GCSAML: variants seen among roughly 807,000 people sequenced by gnomAD.
The protein encoded by GCSAML is germinal center associated signaling and motility like.
Under a neutral mutation model 13.0 loss-of-function variants are expected in GCSAML, and 9 were observed. That is an observed-to-expected ratio of 0.69 (90% CI 0.42 to 1.21). GCSAML has a LOEUF of 1.21. GCSAML is among the 50% of genes most tolerant of loss of function. GCSAML has a pLI of 0.00. For missense variants in GCSAML, 143 were observed against 153.4 expected (o/e 0.93, Z 0.36); for synonymous variants, 37 against 52.9 (o/e 0.70, Z 1.31).
intron 4 of GCSAML, 55 bp downstream of exon 4, chr1:247,566,014 T>C (rs1345362864): frequency 1.5e-6 from 2 of 1,311,890 alleles, no homozygotes; most frequent in African/African-American, 1.5e-5. Context: ...TTATTATGTT[T>C]GTCTGATAAA....
At chr1:247,517,480 T>C (rs1666251476) in intron 1 of GCSAML, among the ~76,000 whole-genome samples, 1 of 152,226 alleles carries the variant, frequency 6.6e-6, no homozygotes, top group Non-Finnish European at 1.5e-5. Context: ...TCCACAAATT[T>C]TAGGAGATTG....
chr1:247,541,354 T>C (rs978394481), intron 2 of GCSAML, among the ~76,000 whole-genome samples: 3 of 152,212 alleles, frequency 2.0e-5, no homozygotes, highest in Non-Finnish European at 4.4e-5. Context: ...TGGCCTCCCA[T>C]GTCATATGGA....
At chr1:247,574,102 G>T in intron 4 of GCSAML, 41 bp from the exon 5 acceptor site, 1 of 1,607,426 alleles carries the variant, frequency 6.2e-7, no homozygotes, top group South Asian at 1.1e-5. Flanking sequence ...ATTTATGAAT[G>T]ACCGTGGATC....
chr1:247,530,307 T>C (rs778851717), intron 2 of GCSAML: 1 of 152,238 alleles, frequency 6.6e-6, no homozygotes, highest in African/African-American at 2.4e-5. Flanking sequence ...ACTCTATTGA[T>C]AGAAGTTCTT....
intron 2 of GCSAML, among the ~76,000 whole-genome samples, chr1:247,543,570 T>C (rs149878048): frequency 1.1e-3 from 161 of 152,250 alleles, no homozygotes; most frequent in Admixed American, 4.3e-3. Flanking sequence ...GTAATTATCG[T>C]GGACAAAGCA....
In GCSAML at chr1:247,527,115, T is replaced by G. The variant is rs12404733; in HGVS notation, c.-148+61T>G. On this transcript the variant is annotated intron_variant, in intron 2 of 5. Transcript: ENST00000366489. The surrounding 1 kb of genome is among the most constrained non-coding windows in gnomAD (Gnocchi z 4.6). ...CTGGAGAGGATGTCTTCATTTTCTG[T>G]TAAGCATTTAGGGAGCAGTTGGGTG... 77,834 of 454,802 alleles carry G rather than the reference T, an allele frequency of 0.17. 7,467 individuals are homozygous for G. The highest frequency in any genetic ancestry group is 0.23 in the African/African-American group (11,646 of 50,056). 28.2% of individuals were successfully genotyped at this position (454,802 alleles called of 1,614,324 possible). A position where few individuals can be genotyped will look rare whatever the true frequency, so the allele number is the denominator to read the frequency against.
At chr1:247,537,630 A>G (rs1353632934) in intron 2 of GCSAML, among the ~76,000 whole-genome samples, 1 of 152,188 alleles carries the variant, frequency 6.6e-6, no homozygotes, top group Non-Finnish European at 1.5e-5. Flanking sequence ...GTTTCTCCAC[A>G]TAATCACCAG....
intron 2 of GCSAML, among the ~76,000 whole-genome samples, chr1:247,558,996 A>T (rs1321691474): frequency 1.3e-5 from 2 of 152,156 alleles, no homozygotes; most frequent in African/African-American, 4.8e-5. Flanking sequence ...AGTTACTTAC[A>T]TTCTCTAAAT....
chr1:247,531,907 A>T, intron 2 of GCSAML: 1 of 1,614,240 alleles, frequency 6.2e-7, no homozygotes, highest in Non-Finnish European at 8.5e-7. Flanking sequence ...AAAGCTGGCC[A>T]GGTACATCTC....
At chr1:247,542,252 A>C (rs1044165329) in intron 2 of GCSAML, among the ~76,000 whole-genome samples, 6 of 152,178 alleles carry the variant, frequency 3.9e-5, no homozygotes, top group African/African-American at 1.4e-4. Context: ...TAGCCAGTTC[A>C]TCTCAGCCAG....
intron 1 of GCSAML, among the ~76,000 whole-genome samples, chr1:247,507,674 C>T (rs1665877650): frequency 6.6e-6 from 1 of 152,060 alleles, no homozygotes; most frequent in Non-Finnish European, 1.5e-5. Flanking sequence ...CCTCTCCTAG[C>T]CCCCTACTCC....
upstream of GCSAML, among the ~76,000 whole-genome samples, chr1:247,548,613 G>GT (rs891320998): frequency 2.8e-4 from 43 of 151,786 alleles, no homozygotes; most frequent in African/African-American, 9.0e-4. The surrounding 1 kb of genome is among the most constrained non-coding windows in gnomAD (Gnocchi z 5.3). Flanking sequence ...TTCTAACGTT[G>GT]TTTTTTTCTT....
chr1:247,526,292 T>C lies in GCSAML; in HGVS notation c.-262-648T>C, dbSNP rs1558238414. The C allele has an allele frequency of 6.6e-6, 1 of 152,230 alleles. No homozygotes were observed. The highest frequency in any genetic ancestry group is 1.5e-5 in the Non-Finnish European group (1 of 68,040). 9.4% of individuals were successfully genotyped at this position (152,230 alleles called of 1,614,324 possible). ...ATTATAATTTTTAAAGTTTATATTT[T>C]TTACTCTATCTGGCTCATAATACCT... On this transcript the variant is annotated intron_variant, in intron 1 of 5. Transcript: ENST00000366489. The surrounding 1 kb of genome is among the most constrained non-coding windows in gnomAD (Gnocchi z 4.8).
chr1:247,549,327 G>T, intron 1 of GCSAML, 107 bp downstream of exon 1: 1 of 984,146 alleles, frequency 1.0e-6, no homozygotes. Flanking sequence ...CTTCTAGAAG[G>T]TTAAGCCTGA....
rs777185160 is a variant in GCSAML at position 247,526,061 on chromosome 1, CTTTG to C, written c.-262-873_-262-870del. The C allele has an allele frequency of 1.6e-4, 24 of 152,200 alleles. No individual in the cohort carries two copies. The highest frequency in any genetic ancestry group is 1.0e-3 in the Admixed American group (16 of 15,300). The allele number at this position is 152,200 out of a possible 1,614,324, so 9.4% of individuals were successfully genotyped here. On this transcript the variant is annotated intron_variant, in intron 1 of 5. Coordinates refer to the GCSAML transcript ENST00000366489. The surrounding 1 kb of genome is among the most constrained non-coding windows in gnomAD (Gnocchi z 4.8). ...TTCAATACACATGAACTTATTGTAGCTTTGTTTGTAATAATGAAAATGAGAAATT... is the reference window on the plus strand; with the variant it reads ...TTCAATACACATGAACTTATTGTAGCTTTGTAATAATGAAAATGAGAAATT...
At chr1:247,534,162 T>C (rs1449893322) in intron 2 of GCSAML, among the ~76,000 whole-genome samples, 1 of 152,244 alleles carries the variant, frequency 6.6e-6, no homozygotes, top group Admixed American at 6.5e-5. Flanking sequence ...GATAATCTTA[T>C]AACAAATAAA....
At chr1:247,519,832 CAT>C (rs1666352740) in intron 1 of GCSAML, among the ~76,000 whole-genome samples, 1 of 152,138 alleles carries the variant, frequency 6.6e-6, no homozygotes. Context: ...TTTAAGGAAA[CAT>C]AGGGTCGTGT....
In GCSAML at chr1:247,527,733, T is replaced by G. The variant is rs1666740531; in HGVS notation, c.-148+679T>G. On this transcript the variant is annotated intron_variant, in intron 2 of 5. Coordinates refer to the GCSAML transcript ENST00000366489. This position sits in a 1 kb window ranked among gnomAD's most constrained non-coding sequence, Gnocchi z 4.6. ...TCCATCATCTCAAACATTTATCGTT[T>G]CTTCGTGCTGGGAACATTCAATATC... The G allele has an allele frequency of 6.6e-6, 1 of 152,256 alleles. No homozygotes were observed. The highest frequency in any genetic ancestry group is 2.4e-5 in the African/African-American group (1 of 41,458). 9.4% of individuals were successfully genotyped at this position (152,256 alleles called of 1,614,324 possible).
At chr1:247,554,911 C>A (rs1459370342) in intron 1 of GCSAML, among the ~76,000 whole-genome samples, 1 of 152,062 alleles carries the variant, frequency 6.6e-6, no homozygotes, top group East Asian at 1.9e-4. Context: ...AATCTTAATT[C>A]TTTGGCCAAG....
Sources: gnomAD v4.1 joint callset for allele counts (sites outside exome capture counted in the v4.1 genomes callset) on GRCh38, gnomAD v4.1.1 for gene constraint, Gnocchi (gnomAD v3.1) non-coding constraint, MANE v1.5 for transcripts, NCBI Gene and HGNC (gene_info 2026-07-23, HGNC 2026-07-21) for gene names.